HMGCLL1: variants seen among roughly 807,000 people sequenced by gnomAD.
HMGCLL1 encodes 3-hydroxymethyl-3-methylglutaryl-CoA lyase, cytoplasmic.
A neutral mutation model predicts 39.1 loss-of-function variants in HMGCLL1; 36 were observed. That is an observed-to-expected ratio of 0.92 (90% CI 0.71 to 1.22). The LOEUF is 1.22. HMGCLL1 is among the 50% of genes most tolerant of loss of function. HMGCLL1 has a pLI of 0.00. For missense variants in HMGCLL1, 451 were observed against 416.5 expected, an observed-to-expected ratio of 1.08 and a Z score of -0.72; for synonymous variants, 149 against 144.0, an observed-to-expected ratio of 1.03 and a Z score of -0.25.
chr6:55,483,297 C>T (rs1765837317), intron 7 of HMGCLL1, among the ~76,000 whole-genome samples: 2 of 152,218 alleles, frequency 1.3e-5, no homozygotes, highest in Admixed American at 6.5e-5. Context: ...GATGGAGTCA[C>T]ACTCTGTCAT....
chr6:55,488,278 T>C (rs531276837), intron 7 of HMGCLL1, among the ~76,000 whole-genome samples: 134 of 152,256 alleles, frequency 8.8e-4, no homozygotes, highest in Non-Finnish European at 1.7e-3. Flanking sequence ...TAGCCATACA[T>C]GATTCTTACA....
chr6:55,622,725 T>G, the HMGCLL1 span, among the ~76,000 whole-genome samples: 1 of 152,092 alleles, frequency 6.6e-6, no homozygotes, highest in East Asian at 1.9e-4. Context: ...ATTTTCTTTT[T>G]TTGTTTTGTT....
At chr6:55,482,463 A>T (rs887648202) in intron 7 of HMGCLL1, among the ~76,000 whole-genome samples, 7 of 152,158 alleles carry the variant, frequency 4.6e-5, no homozygotes, top group Non-Finnish European at 1.0e-4. Flanking sequence ...AGTGGGTATT[A>T]ACACTTATAA....
chr6:55,621,922 T>C, the HMGCLL1 span, among the ~76,000 whole-genome samples: 1 of 152,086 alleles, frequency 6.6e-6, no homozygotes, highest in Non-Finnish European at 1.5e-5. Flanking sequence ...GGTTTTATCA[T>C]GAAGTGTGTT....
chr6:55,628,407 T>C, the HMGCLL1 span, among the ~76,000 whole-genome samples: 1 of 150,586 alleles, frequency 6.6e-6, no homozygotes, highest in East Asian at 2.0e-4. Flanking sequence ...GTTCAAACAA[T>C]TCTCCCTGCC....
chr6:55,652,900 G>C, the HMGCLL1 span, among the ~76,000 whole-genome samples: 2 of 151,986 alleles, frequency 1.3e-5, no homozygotes, highest in South Asian at 4.1e-4. Flanking sequence ...GTCTTAAATA[G>C]CTTCTAATTT....
the HMGCLL1 span, among the ~76,000 whole-genome samples, chr6:55,655,989 C>T: frequency 3.9e-5 from 6 of 151,974 alleles, no homozygotes; most frequent in South Asian, 1.2e-3. Context: ...CCAAGGTAAT[C>T]TCATATATTC....
intron 7 of HMGCLL1, among the ~76,000 whole-genome samples, chr6:55,478,093 T>TA (rs1765553391): frequency 6.6e-6 from 1 of 150,902 alleles, no homozygotes; most frequent in Non-Finnish European, 1.5e-5. Context: ...TTCTGTTTTT[T>TA]TTTTTCATTT....
intron 3 of HMGCLL1, among the ~76,000 whole-genome samples, chr6:55,536,766 C>T (rs1769058048): frequency 1.3e-5 from 2 of 152,080 alleles, no homozygotes; most frequent in African/African-American, 4.8e-5. Context: ...TATATGGCAC[C>T]CTGCTACTGT....
At chr6:55,491,610 T>C (rs1258960104) in intron 7 of HMGCLL1, among the ~76,000 whole-genome samples, 2 of 152,144 alleles carry the variant, frequency 1.3e-5, no homozygotes, top group Non-Finnish European at 2.9e-5. Flanking sequence ...CTCATTTCAG[T>C]GGAGAAAAAT....
rs1763296685 is a variant in HMGCLL1 at position 55,434,509 on chromosome 6, T to C, written c.*1153A>G. 1 of 152,098 alleles carries C rather than the reference T, an allele frequency of 6.6e-6. No homozygotes were observed. Among genetic ancestry groups the C allele is most frequent in the African/African-American group, 2.4e-5 (1 of 41,430 alleles). 9.4% of individuals were successfully genotyped at this position (152,098 alleles called of 1,614,324 possible). ...ATCACCCGGTATTATTAGAGAAGTC[T>C]CTCTAAATACTAGAACTGACATTTC... On this transcript the variant is annotated 3_prime_UTR_variant, in exon 9 of 9. Coordinates refer to ENST00000274901, the MANE Select transcript of HMGCLL1 (RefSeq NM_001042406.2).
chr6:55,589,070 C>T, the HMGCLL1 span, among the ~76,000 whole-genome samples: 3 of 152,144 alleles, frequency 2.0e-5, no homozygotes, highest in East Asian at 5.8e-4. Flanking sequence ...CCAGCATCAT[C>T]CTGATACCAA....
At chr6:55,567,552 A>T (rs1771277484) in intron 1 of HMGCLL1, among the ~76,000 whole-genome samples, 1 of 152,186 alleles carries the variant, frequency 6.6e-6, no homozygotes. Context: ...TATTGTTATC[A>T]CTAATTGAAT....
At chr6:55,659,703 T>C in the HMGCLL1 span, among the ~76,000 whole-genome samples, 1 of 151,894 alleles carries the variant, frequency 6.6e-6, no homozygotes, top group Non-Finnish European at 1.5e-5. Context: ...TTTCTATCTA[T>C]CCTGAAGTTC....
At chr6:55,628,354 C>A in the HMGCLL1 span, among the ~76,000 whole-genome samples, 1 of 148,046 alleles carries the variant, frequency 6.8e-6, no homozygotes, top group Non-Finnish European at 1.5e-5. Flanking sequence ...TAGGCTGGAG[C>A]GCAGTGGCAC....
chr6:55,531,408 T>G (rs1419101137), intron 3 of HMGCLL1, among the ~76,000 whole-genome samples: 1 of 152,174 alleles, frequency 6.6e-6, no homozygotes, highest in African/African-American at 2.4e-5. Flanking sequence ...CAAATGTCAA[T>G]GCATGCACAC....
chr6:55,655,855 A>C, the HMGCLL1 span, among the ~76,000 whole-genome samples: 3 of 152,016 alleles, frequency 2.0e-5, no homozygotes, highest in African/African-American at 7.2e-5. Flanking sequence ...CTTATCAGAA[A>C]CATCTACTCC....
At chr6:55,490,974 T>G (rs1766279518) in intron 7 of HMGCLL1, among the ~76,000 whole-genome samples, 1 of 152,140 alleles carries the variant, frequency 6.6e-6, no homozygotes, top group South Asian at 2.1e-4. Context: ...CTTTGTTCAT[T>G]CAGACTTCTG....
chr6:55,496,946 G>A (rs1766612564), intron 6 of HMGCLL1, among the ~76,000 whole-genome samples: 1 of 152,106 alleles, frequency 6.6e-6, no homozygotes, highest in Non-Finnish European at 1.5e-5. Flanking sequence ...CCTCCAAATT[G>A]TTCATGGATC....
Sources: gnomAD v4.1 joint callset for allele counts (sites outside exome capture counted in the v4.1 genomes callset) on GRCh38, gnomAD v4.1.1 for gene constraint, MANE v1.5 for transcripts, NCBI Gene and HGNC (gene_info 2026-07-23, HGNC 2026-07-21) for gene names.